Variants in GPC4 observed in about 807,000 individuals in gnomAD.
GPC4 encodes glypican 4.
A neutral mutation model predicts 35.0 loss-of-function variants in GPC4; 10 were observed. The ratio of observed to expected loss-of-function variants is 0.29; its 90% confidence interval spans 0.18 to 0.48. GPC4 has a LOEUF of 0.48. Ranked by LOEUF, GPC4 falls within the 20% of genes least tolerant of loss-of-function variation. The probability of loss-of-function intolerance (pLI) is 0.99; values close to 1 mark genes in which losing one functional copy is unlikely to be tolerated. For missense variants in GPC4, 322 were observed against 451.3 expected (o/e 0.71, Z 2.60); for synonymous variants, 167 against 170.2 (o/e 0.98, Z 0.15).
At chrX:133,315,860 G>A (rs750265985) in intron 3 of GPC4, among the ~76,000 whole-genome samples, 48 of 111,469 alleles carry the variant, frequency 4.3e-4, no homozygotes, top group Non-Finnish European at 7.2e-4. Context: ...TGGGGCTGGG[G>A]TAAGAGCAGG....
rs2068380433 is a variant in GPC4 at position 133,324,206 on chromosome X, G to A, written c.650C>T (p.Ala217Val). 4.1e-6 allele frequency: 5 copies of A among 1,209,817 alleles called. No individual in the cohort carries two copies. The highest frequency in any genetic ancestry group is 1.7e-5 in the African/African-American group (1 of 57,171). ...LKLQVTRAFV[A>V]ARTFAQGLAV... ...TAAGCCTTGAGCGAAAGTACGGGCT[G>A]CTACAAAAGCACGAGTAACCTGGAG... The change falls in exon 3 of 9, where the codon GCA becomes GTA. Residue 217 changes from alanine (A) to valine (V), a missense_variant. Ala to Val is a moderately conservative substitution (Grantham distance 64). This residue lies in a region of GPC4 where 163 missense variants were observed against 277.2 expected (regional missense o/e 0.59). Transcript: ENST00000370828.
At position 133,326,324 on chromosome X, in the gene GPC4, T is replaced by C. The variant is rs778565750; in HGVS notation, c.320-1788A>G. Among the ~76,000 whole-genome samples the C allele has an allele frequency of 4.5e-5, 5 of 111,346 alleles. No homozygotes were observed. The South Asian group carries it at 1.9e-3, about 42-fold the overall frequency. The stretch of plus-strand genomic sequence containing the variant: ...TTTATTTTCTCCAAAATCCCCTGAG[T>C]GGTTCTCAAAGTGTGGGCCTGGGAC... On this transcript the variant is annotated intron_variant, in intron 2 of 8. Coordinates refer to ENST00000370828, the MANE Select transcript of GPC4 (RefSeq NM_001448.3).
intron 1 of GPC4, among the ~76,000 whole-genome samples, chrX:133,364,665 T>C: frequency 8.9e-6 from 1 of 112,410 alleles, no homozygotes; most frequent in Non-Finnish European, 1.9e-5. Flanking sequence ...AAATAGTAAA[T>C]AAGAATCAGA....
At chrX:133,397,473 T>C (rs2068748629) in intron 1 of GPC4, among the ~76,000 whole-genome samples, 1 of 108,994 alleles carries the variant, frequency 9.2e-6, no homozygotes, top group Non-Finnish European at 1.9e-5. Flanking sequence ...GGGAGGATCA[T>C]CTAAGGCTGG....
At chrX:133,311,508 T>C (rs758839911) in intron 3 of GPC4, 85 bp from the exon 4 acceptor site, 44 of 901,666 alleles carry the variant, frequency 4.9e-5, no homozygotes, top group Non-Finnish European at 2.6e-5. Flanking sequence ...CACTGAAGGC[T>C]TGGCCATGAA....
At chrX:133,327,636 A>AGTGTGTGTGTGTGTGTGTGT (rs557359106) in intron 2 of GPC4, among the ~76,000 whole-genome samples, 4 of 83,284 alleles carry the variant, frequency 4.8e-5, no homozygotes, top group African/African-American at 1.8e-4. Context: ...TGTCCAGGAA[A>AGTGTGTGTGTGTGTGTGTGT]GTGTGTGTGT....
chrX:133,380,571 G>A (rs2068656334), intron 1 of GPC4, among the ~76,000 whole-genome samples: 1 of 111,400 alleles, frequency 9.0e-6, no homozygotes, highest in Admixed American at 9.6e-5. Context: ...CTGAATATAA[G>A]GTATTTATTT....
At chrX:133,384,059 C>T (rs1194178700) in intron 1 of GPC4, among the ~76,000 whole-genome samples, 1 of 111,653 alleles carries the variant, frequency 9.0e-6, no homozygotes, top group Non-Finnish European at 1.9e-5. Flanking sequence ...ACTGGAAATG[C>T]ACAGAGACAT....
At position 133,376,835 on chromosome X, in the gene GPC4, C is replaced by A. The variant is rs754915012; in HGVS notation, c.161-37494G>T. On this transcript the variant is annotated intron_variant, in intron 1 of 8. Transcript: ENST00000370828. Reference sequence around the variant, plus strand: ...GCTGTCTTTGCTTTTGTCTCTCCCCCACATGGGACATTGACAAGGAGGCAC... The same window carrying A: ...GCTGTCTTTGCTTTTGTCTCTCCCCAACATGGGACATTGACAAGGAGGCAC... Among the ~76,000 whole-genome samples the A allele has an allele frequency of 4.5e-5, 5 of 111,862 alleles. No homozygotes were observed. In the East Asian group the frequency reaches 8.5e-4, roughly 19 times the overall value.
intron 1 of GPC4, among the ~76,000 whole-genome samples, chrX:133,387,855 T>A (rs1397047172): frequency 8.9e-6 from 1 of 111,864 alleles, no homozygotes; most frequent in Non-Finnish European, 1.9e-5. Context: ...TTGAATTGAG[T>A]TCCCCAATAG....
intron 2 of GPC4, among the ~76,000 whole-genome samples, chrX:133,337,068 C>T (rs1021988911): frequency 5.4e-5 from 6 of 111,708 alleles, no homozygotes; most frequent in African/African-American, 2.0e-4. Context: ...ATCTGCCCGC[C>T]GTGGCCTCCC....
chrX:133,332,558 T>A (rs2068425640), intron 2 of GPC4, among the ~76,000 whole-genome samples: 2 of 111,241 alleles, frequency 1.8e-5, no homozygotes, highest in South Asian at 3.8e-4. Flanking sequence ...CACCACCACA[T>A]CTGGCTAATT....
chrX:133,368,128 G>A (rs1424594865), intron 1 of GPC4, among the ~76,000 whole-genome samples: 4 of 111,907 alleles, frequency 3.6e-5, no homozygotes, highest in Non-Finnish European at 7.5e-5. Context: ...TTTTAAAAAT[G>A]TAAAAAGAAA....
intron 1 of GPC4, among the ~76,000 whole-genome samples, chrX:133,395,995 G>A (rs911941123): frequency 3.6e-5 from 4 of 112,027 alleles, no homozygotes; most frequent in Non-Finnish European, 7.5e-5. Flanking sequence ...TCAGTGGACA[G>A]AATTCAATAT....
At chrX:133,318,315 A>G (rs977634787) in intron 3 of GPC4, among the ~76,000 whole-genome samples, 2 of 112,162 alleles carry the variant, frequency 1.8e-5, no homozygotes, top group Non-Finnish European at 3.8e-5. Flanking sequence ...GGAAGTGGTA[A>G]AATAGTTTGT....
Position 133,395,266 on chromosome X carries a change from T to C in GPC4, c.160+19540A>G, listed in dbSNP as rs540015492. Among the ~76,000 whole-genome samples, 350 of 111,940 alleles carry C rather than the reference T, an allele frequency of 3.1e-3. 2 individuals carry two copies. Among genetic ancestry groups the C allele is most frequent in the Middle Eastern group, 0.019 (4 of 216 alleles). On this transcript the variant is annotated intron_variant, in intron 1 of 8. Transcript: ENST00000370828. ...TAATAATTAATAACAATTATCACCA[T>C]GATTGTACGAATCCTATTGAATATG...
rs1603054589 is a variant in GPC4 at position 133,305,894 on chromosome X, T to TG, written c.1032dup (p.Lys345GlnfsTer14). On this transcript the variant is annotated frameshift_variant, in exon 6 of 9. Transcript: ENST00000370828. LOFTEE classifies it high-confidence loss of function. ...GAAATTCGTCCAGCTGGGAGGGGCT[T>TG]GGGGGGTCCACATCCCTGGAAAACC... 2 of 1,211,234 alleles carry TG rather than the reference T, an allele frequency of 1.7e-6. No individual in the cohort carries two copies. Among genetic ancestry groups the TG allele is most frequent in the Non-Finnish European group, 2.2e-6 (2 of 895,433 alleles).
chrX:133,342,936 G>A (rs961234842), intron 1 of GPC4, among the ~76,000 whole-genome samples: 2 of 111,754 alleles, frequency 1.8e-5, no homozygotes, highest in African/African-American at 6.5e-5. Context: ...AAAATGCTGT[G>A]CCTGAGTGAG....
chrX:133,354,558 T>G (rs1404815864), intron 1 of GPC4, among the ~76,000 whole-genome samples: 1 of 92,825 alleles, frequency 1.1e-5, no homozygotes, highest in African/African-American at 5.0e-5. Context: ...ATTTATTTAT[T>G]TATTTATTTA....
Sources: allele counts gnomAD v4.1 joint callset (sites outside exome capture counted in the v4.1 genomes callset), GRCh38; gene constraint gnomAD v4.1.1; regional missense constraint gnomAD v4.1.1; transcripts MANE v1.5; gene names NCBI Gene and HGNC (gene_info 2026-07-23, HGNC 2026-07-21).